MARCHF1: variants seen among roughly 807,000 people sequenced by gnomAD.
MARCHF1 encodes E3 ubiquitin-protein ligase MARCHF1.
Under a neutral mutation model 54.2 loss-of-function variants are expected in MARCHF1, and 40 were observed. The ratio of observed to expected loss-of-function variants is 0.74; its 90% CI spans 0.57 to 0.96. MARCHF1 has a LOEUF of 0.96. MARCHF1 is among the 40% of genes least tolerant of loss of function. The pLI, the probability that MARCHF1 is intolerant of heterozygous loss-of-function variation, is 0.00. For missense variants in MARCHF1, 586 were observed against 656.5 expected (o/e 0.89, Z 1.17); for synonymous variants, 236 against 236.3 (o/e 1.00, Z 0.01).
At chr4:164,049,762 T>C (rs762077773) in intron 2 of MARCHF1, among the ~76,000 whole-genome samples, 1 of 152,198 alleles carries the variant, frequency 6.6e-6, no homozygotes, top group African/African-American at 2.4e-5. Flanking sequence ...ACTGCACACA[T>C]GTATACACAC....
chr4:163,875,729 A>G (rs994949975), intron 3 of MARCHF1, among the ~76,000 whole-genome samples: 3 of 152,184 alleles, frequency 2.0e-5, no homozygotes, highest in African/African-American at 7.2e-5. Context: ...CGTATTTTGC[A>G]AATTGTTAAG....
chr4:163,704,871 C>T (rs190711121), intron 4 of MARCHF1, among the ~76,000 whole-genome samples: 3 of 151,476 alleles, frequency 2.0e-5, no homozygotes, highest in African/African-American at 7.2e-5. Flanking sequence ...TAAAGGAAGT[C>T]TTTGAAATAA....
intron 1 of MARCHF1, among the ~76,000 whole-genome samples, chr4:164,220,783 AAAT>A (rs201661508): frequency 0.018 from 2,688 of 147,280 alleles, 25 homozygotes; most frequent in Non-Finnish European, 0.028. Context: ...TTTTTTTTGG[AAAT>A]AATACTTTCT....
chr4:164,028,250 T>G (rs760459736), intron 2 of MARCHF1, among the ~76,000 whole-genome samples: 4 of 152,158 alleles, frequency 2.6e-5, no homozygotes, highest in Non-Finnish European at 5.9e-5. Context: ...TAAATCAGTC[T>G]ACCAAGAAGA....
At chr4:163,543,433 G>A (rs973546588) in intron 9 of MARCHF1, among the ~76,000 whole-genome samples, 3 of 151,464 alleles carry the variant, frequency 2.0e-5, no homozygotes, top group African/African-American at 4.9e-5. Context: ...TAGTGGTGCC[G>A]TTCCCACAGG....
At chr4:164,182,388 G>A (rs1286003957) in intron 1 of MARCHF1, among the ~76,000 whole-genome samples, 1 of 151,844 alleles carries the variant, frequency 6.6e-6, no homozygotes, top group African/African-American at 2.4e-5. Flanking sequence ...AGCAAGAATT[G>A]TACAGAATGC....
At chr4:164,377,367 T>G (rs1046419891) in intron 1 of MARCHF1, among the ~76,000 whole-genome samples, 2 of 152,294 alleles carry the variant, frequency 1.3e-5, no homozygotes, top group South Asian at 4.1e-4. Context: ...GAGATAAACA[T>G]AGTACTAGCT....
intron 1 of MARCHF1, among the ~76,000 whole-genome samples, chr4:164,176,968 C>CCATATATATATATA (rs1201114627): frequency 1.4e-4 from 6 of 43,330 alleles, no homozygotes; most frequent in African/African-American, 3.2e-4. Flanking sequence ...CTCTCTCTCT[C>CCATATATATATATA]TCTCTCTCTC....
At chr4:163,769,162 C>A (rs1288884157) in intron 4 of MARCHF1, among the ~76,000 whole-genome samples, 1 of 152,036 alleles carries the variant, frequency 6.6e-6, no homozygotes, top group Non-Finnish European at 1.5e-5. Flanking sequence ...TATAAACAGG[C>A]AAACACATTT....
intron 2 of MARCHF1, among the ~76,000 whole-genome samples, chr4:164,021,851 T>A (rs1368360647): frequency 1.9e-5 from 2 of 105,580 alleles, no homozygotes; most frequent in Non-Finnish European, 4.8e-5. Flanking sequence ...TGAACCTCCA[T>A]GTCAAAAAAA....
Position 163,909,391 on chromosome 4 carries a change from T to C in MARCHF1, c.-38-55222A>G, listed in dbSNP as rs534121116. Reference sequence around the variant, plus strand: ...CATTGCAAGCCCATAAATTGTGTCCTACTGTGGTAAATATAAATGACACTT... The same window carrying C: ...CATTGCAAGCCCATAAATTGTGTCCCACTGTGGTAAATATAAATGACACTT... On this transcript the variant is annotated intron_variant, in intron 3 of 9. Transcript: ENST00000514618. Among the ~76,000 whole-genome samples, 52 of 152,344 alleles carry C rather than the reference T, an allele frequency of 3.4e-4. 2 individuals are homozygous for C. In the East Asian group the frequency reaches 9.6e-3, roughly 28 times the overall value.
chr4:163,785,973 G>T (rs1747606968), intron 4 of MARCHF1, among the ~76,000 whole-genome samples: 1 of 152,032 alleles, frequency 6.6e-6, no homozygotes, highest in Non-Finnish European at 1.5e-5. Flanking sequence ...GAAGAGGTCA[G>T]AAAGAGAGGT....
intron 5 of MARCHF1, among the ~76,000 whole-genome samples, chr4:163,632,149 G>T (rs1281471921): frequency 6.6e-6 from 1 of 152,180 alleles, no homozygotes; most frequent in African/African-American, 2.4e-5. Context: ...AATGTATGGT[G>T]CAGTTACTCT....
chr4:164,055,747 A>G (rs1249053756), intron 2 of MARCHF1, among the ~76,000 whole-genome samples: 1 of 152,208 alleles, frequency 6.6e-6, no homozygotes, highest in Non-Finnish European at 1.5e-5. Flanking sequence ...GATGCTCTAC[A>G]GTAAAATGCC....
chr4:163,722,404 A>G (rs956425991), intron 4 of MARCHF1, among the ~76,000 whole-genome samples: 27 of 152,248 alleles, frequency 1.8e-4, no homozygotes, highest in African/African-American at 6.5e-4. Flanking sequence ...GCAGTTTGTT[A>G]TAATTTCTGT....
At chr4:164,068,918 A>G (rs372338279) in intron 2 of MARCHF1, among the ~76,000 whole-genome samples, 373 of 152,286 alleles carry the variant, frequency 2.4e-3, no homozygotes, top group African/African-American at 8.7e-3. Flanking sequence ...AAACACACCA[A>G]TCAGCACCCT....
chr4:163,725,430 A>T (rs996478951), intron 4 of MARCHF1, among the ~76,000 whole-genome samples: 1 of 151,714 alleles, frequency 6.6e-6, no homozygotes, highest in South Asian at 2.1e-4. Flanking sequence ...GTGAGCCATG[A>T]TTGTGCTACT....
rs1560836697 is a variant in MARCHF1, at chr4:163,959,333, A to AAC, written c.-39+29167_-39+29168insGT. Among the ~76,000 whole-genome samples, 125 of 128,126 alleles carry AAC rather than the reference A, an allele frequency of 9.8e-4. 1 individual carries two copies. Among genetic ancestry groups the AAC allele is most frequent in the African/African-American group, 2.9e-3 (98 of 33,990 alleles). The allele number at this position is 128,126 out of a possible 152,430, so 84.1% of individuals were successfully genotyped here. ...CTAAGCAAAACAACAACAACAACAAAAAAAAAAAACAACAAAAAAACAAAA... is the reference window on the plus strand; with the variant it reads ...CTAAGCAAAACAACAACAACAACAAAACAAAAAAAAACAACAAAAAAACAAAA... On this transcript the variant is annotated intron_variant, in intron 3 of 9. Coordinates refer to ENST00000514618, the MANE Select transcript of MARCHF1 (RefSeq NM_001394959.1).
intron 5 of MARCHF1, among the ~76,000 whole-genome samples, chr4:163,649,218 T>C (rs1008845707): frequency 2.0e-5 from 3 of 151,984 alleles, no homozygotes; most frequent in African/African-American, 7.2e-5. Context: ...ATAGATTCTC[T>C]GCACTGAAAT....
Sources: gnomAD v4.1 joint callset for allele counts (sites outside exome capture counted in the v4.1 genomes callset) on GRCh38, gnomAD v4.1.1 for gene constraint, MANE v1.5 for transcripts, NCBI Gene and HGNC (gene_info 2026-07-23, HGNC 2026-07-21) for gene names.